The following CCN2 variants were observed in gnomAD, a reference collection of about 807,000 sequenced individuals.
CCN2 encodes cellular communication network factor 2, also known as CCN family member 2.
CCN2 carries 22 observed loss-of-function variants against 33.2 expected under a neutral mutation model. That is an observed-to-expected ratio of 0.66 (90% CI 0.47 to 0.95). The LOEUF is 0.95. Among genes scored for constraint, CCN2 ranks in the 40% least tolerant of loss-of-function variants. The pLI is 0.00. For missense variants in CCN2, 469 were observed against 498.8 expected (o/e 0.94, Z 0.57); for synonymous variants, 178 against 200.6 (o/e 0.89, Z 0.95).
Position 131,950,273 on chromosome 6 carries a change from A to G in CCN2, c.541+19T>C. ...TGGGAGAGAATCACGACCCTGACTT[A>G]GAGGAAGACTCGACTCACCCGCGAG... On this transcript the variant is annotated intron_variant, in intron 3 of 4. Coordinates refer to ENST00000367976, the MANE Select transcript of CCN2 (RefSeq NM_001901.4). This position sits in a 1 kb window ranked among gnomAD's most constrained non-coding sequence, Gnocchi z 7.1. 6.2e-7 allele frequency: 1 copy of G among 1,611,796 alleles called. No individual in the cohort carries two copies. The highest frequency in any genetic ancestry group is 8.5e-7 in the Non-Finnish European group (1 of 1,178,208).
In CCN2 at chr6:131,951,156, A is replaced by G. The variant is rs1783105040; in HGVS notation, c.17T>C (p.Met6Thr). Residue 6 changes from methionine to threonine, a missense_variant, in exon 1 of 5, where the codon ATG (methionine) becomes ACG (threonine). Physicochemically the swap from Met to Thr is moderately conservative, Grantham distance 81 (BLOSUM62 -1). Transcript: ENST00000367976. ...CACGAAGGCGACGCGGACGGGGCCC[A>G]TACTGGCGGCGGTCATGGTTGGCAC... Reference protein sequence around the residue: MTAASMGPVRVAFVVL... With the variant: MTAASTGPVRVAFVVL... 1.5e-6 allele frequency: 2 copies of G among 1,339,802 alleles called. No individual in the cohort carries two copies. The highest frequency in any genetic ancestry group is 1.5e-5 in the African/African-American group (1 of 66,050). The allele number at this position is 1,339,802 out of a possible 1,614,324, so 83.0% of individuals were successfully genotyped here.
rs1298271370 is a variant in CCN2 at position 131,951,223 on chromosome 6, G to A, written c.-51C>T. ...GGCGCGGTGGCGGCGAGCGGGGAGC[G>A]GCGGGGCCTGGAGCGCTGGCGGTGG... On this transcript the variant is annotated 5_prime_UTR_variant, in exon 1 of 5. Coordinates refer to ENST00000367976, the MANE Select transcript of CCN2 (RefSeq NM_001901.4). 3.2e-6 allele frequency: 4 copies of A among 1,259,242 alleles called. No homozygotes were observed. The highest frequency in any genetic ancestry group is 3.2e-5 in the East Asian group (1 of 30,838). The allele number at this position is 1,259,242 out of a possible 1,614,324, so 78.0% of individuals were successfully genotyped here.
chr6:131,949,633 A>C, intron 4 of CCN2, 73 bp from the exon 5 acceptor site: 1 of 1,366,362 alleles, frequency 7.3e-7, no homozygotes, highest in Non-Finnish European at 1.0e-6. Flanking sequence ...GCTTTCTTCA[A>C]CCCTCTGTGT....
Position 131,951,200 on chromosome 6 carries a change from CG to C in CCN2, c.-29del, listed in dbSNP as rs1190553509. The stretch of plus-strand genomic sequence containing the variant: ...TTGGCACTGCGGGCGGAGCGGAGGG[CG>C]CGGTGGCGGCGAGCGGGGAGCGGCG... On this transcript the variant is annotated 5_prime_UTR_variant, in exon 1 of 5. Transcript: ENST00000367976. 7.8e-7 allele frequency: 1 copy of C among 1,286,244 alleles called. No individual in the cohort carries two copies. Among genetic ancestry groups the C allele is most frequent in the African/African-American group, 1.5e-5 (1 of 64,884 alleles). The allele number at this position is 1,286,244 out of a possible 1,614,324, so 79.7% of individuals were successfully genotyped here. A position where few individuals can be genotyped will look rare whatever the true frequency, so the allele number is the denominator to read the frequency against.
rs1205088303 is a variant in CCN2 at position 131,951,011 on chromosome 6, G to A, written c.67-19C>T. ...CGGCCGGCTGCAGGGAGGACAGGGC[G>A]GTCAGCGGCGCTCGGTCGGCGCGCA... On this transcript the variant is annotated intron_variant, in intron 1 of 4. Transcript: ENST00000367976. 8.7e-6 allele frequency: 11 copies of A among 1,267,646 alleles called. No individual in the cohort carries two copies. Among genetic ancestry groups the A allele is most frequent in the Non-Finnish European group, 3.0e-6 (3 of 1,012,890 alleles). The allele number at this position is 1,267,646 out of a possible 1,614,324, so 78.5% of individuals were successfully genotyped here.
Position 131,950,883 on chromosome 6 carries a change from A to C in CCN2, c.176T>G (p.Val59Gly). 1 of 1,530,150 alleles carries C rather than the reference A, an allele frequency of 6.5e-7. No individual in the cohort carries two copies. The highest frequency in any genetic ancestry group is 1.2e-5 in the South Asian group (1 of 83,648). 94.8% of individuals were successfully genotyped at this position (1,530,150 alleles called of 1,614,324 possible). A position where few individuals can be genotyped will look rare whatever the true frequency, so the allele number is the denominator to read the frequency against. ...LVLDGCGCCR[V>G]CAKQLGELCT... ...CAGCTCGCCCAGCTGCTTGGCGCAG[A>C]CGCGGCAGCAGCCGCAGCCGTCCAG... The change falls in exon 2 of 5, where the codon GTC (valine) becomes GGC (glycine). Residue 59 changes from valine (V) to glycine (G), a missense_variant. Val to Gly is a moderately radical substitution (Grantham distance 109). Transcript: ENST00000367976. This position sits in a 1 kb window ranked among gnomAD's most constrained non-coding sequence, Gnocchi z 7.1.
At chr6:131,951,066 C>T in intron 1 of CCN2, 41 bp downstream of exon 1, 10 of 1,287,778 alleles carry the variant, frequency 7.8e-6, no homozygotes, top group Non-Finnish European at 9.8e-6. Flanking sequence ...CGAGTCCCTC[C>T]CTGGCAGCCG....
At chr6:131,951,066 C>A (rs1783102829) in intron 1 of CCN2, 41 bp downstream of exon 1, 3 of 1,287,670 alleles carry the variant, frequency 2.3e-6, no homozygotes, top group South Asian at 2.4e-5. Flanking sequence ...CGAGTCCCTC[C>A]CTGGCAGCCG....
rs754049250 is a variant in CCN2, at chr6:131,950,948, G to C, written c.111C>G (p.Asp37Glu). 5.7e-6 allele frequency: 8 copies of C among 1,395,542 alleles called. No homozygotes were observed. Among genetic ancestry groups the C allele is most frequent in the Non-Finnish European group, 7.4e-6 (8 of 1,086,072 alleles). 86.4% of individuals were successfully genotyped at this position (1,395,542 alleles called of 1,614,324 possible). ...QNCSGPCRCP[D>E]EPAPRCPAGV... is the part of the protein sequence containing the mutation. ...CCGCCGGGCAGCGCGGCGCCGGCTC[G>C]TCCGGGCACCGGCACGGCCCGCTGC... Residue 37 changes from aspartate to glutamate, a missense_variant, in exon 2 of 5, where the codon GAC becomes GAG. Physicochemically the swap from Asp to Glu is conservative, Grantham distance 45. Transcript: ENST00000367976. The surrounding 1 kb of genome is among the most constrained non-coding windows in gnomAD (Gnocchi z 7.1).
rs778697302 is a variant in CCN2 at position 131,949,074 on chromosome 6, A to G, written c.*190T>C. 3.0e-5 allele frequency: 18 copies of G among 604,788 alleles called. No individual in the cohort carries two copies. The highest frequency in any genetic ancestry group is 2.0e-4 in the Admixed American group (7 of 34,638). 37.5% of individuals were successfully genotyped at this position (604,788 alleles called of 1,614,324 possible). On this transcript the variant is annotated 3_prime_UTR_variant, in exon 5 of 5. Coordinates refer to ENST00000367976, the MANE Select transcript of CCN2 (RefSeq NM_001901.4). Reference sequence around the variant, plus strand: ...ACTGTCAAGTCTTAACATTCTTCAAACCAGTGTCTGGGGTTGATAGACTAT... The same window carrying G: ...ACTGTCAAGTCTTAACATTCTTCAAGCCAGTGTCTGGGGTTGATAGACTAT...
rs745364919 is a variant in CCN2, at chr6:131,950,745, T to C, written c.289+25A>G. ...GTGAGGGAGGAGGCGGCCGGACACC[T>C]AGCGGTGGGGGCTGCGGGTCTTACC... On this transcript the variant is annotated intron_variant, in intron 2 of 4. Transcript: ENST00000367976. The surrounding 1 kb of genome is among the most constrained non-coding windows in gnomAD (Gnocchi z 7.1). The C allele has an allele frequency of 5.9e-6, 9 of 1,521,574 alleles. No homozygotes were observed. Among genetic ancestry groups the C allele is most frequent in the Non-Finnish European group, 7.9e-6 (9 of 1,138,054 alleles). The allele number at this position is 1,521,574 out of a possible 1,614,324, so 94.3% of individuals were successfully genotyped here.
In CCN2 at chr6:131,949,301, G is replaced by A. The variant is rs371266547; in HGVS notation, c.1013C>T (p.Ser338Leu). ...TCCGTACATCTTCCTGTAGTACAGC[G>A]ATTCAAAGATGTCATTGTCTCCGGG... ...NCPGDNDIFE[S>L]LYYRKMYGDM... is the part of the protein sequence containing the mutation. The change falls in exon 5 of 5, where the codon TCG (serine) becomes TTG (leucine). Residue 338 changes from serine to leucine, a missense_variant. Physicochemically the swap from Ser to Leu is moderately radical, Grantham distance 145 (BLOSUM62 -2). Transcript: ENST00000367976. 1 of 1,614,104 alleles carries A rather than the reference G, an allele frequency of 6.2e-7. No individual in the cohort carries two copies. The highest frequency in any genetic ancestry group is 1.1e-5 in the South Asian group (1 of 91,068).
chr6:131,951,318 C>G lies in CCN2; in HGVS notation c.-146G>C, dbSNP rs916431661. ...GTCGGCCGGGGCGGCTGCCGTCGAG[C>G]TGGAGGGTGGAGTCGCACTGGCTGT... On this transcript the variant is annotated 5_prime_UTR_variant, in exon 1 of 5. Transcript: ENST00000367976. 1 of 613,304 alleles carries G rather than the reference C, an allele frequency of 1.6e-6. No homozygotes were observed. Among genetic ancestry groups the G allele is most frequent in the Non-Finnish European group, 2.3e-6 (1 of 429,520 alleles). The allele number at this position is 613,304 out of a possible 1,614,324, so 38.0% of individuals were successfully genotyped here.
In CCN2 at chr6:131,951,226, G is replaced by C. The variant is rs1018445497; in HGVS notation, c.-54C>G. 12 of 1,248,144 alleles carry C rather than the reference G, an allele frequency of 9.6e-6. No homozygotes were observed. The African/African-American group carries it at 1.7e-4, about 18-fold the overall frequency. The allele number at this position is 1,248,144 out of a possible 1,614,324, so 77.3% of individuals were successfully genotyped here. ...GCGGTGGCGGCGAGCGGGGAGCGGC[G>C]GGGCCTGGAGCGCTGGCGGTGGTCG... On this transcript the variant is annotated 5_prime_UTR_variant, in exon 1 of 5. Coordinates refer to ENST00000367976, the MANE Select transcript of CCN2 (RefSeq NM_001901.4).
Position 131,951,178 on chromosome 6 carries a change from G to T in CCN2, c.-6C>A. 7.5e-7 allele frequency: 1 copy of T among 1,324,886 alleles called. No homozygotes were observed. The highest frequency in any genetic ancestry group is 3.1e-5 in the Admixed American group (1 of 32,348). 82.1% of individuals were successfully genotyped at this position (1,324,886 alleles called of 1,614,324 possible). A position where few individuals can be genotyped will look rare whatever the true frequency, so the allele number is the denominator to read the frequency against. Reference sequence around the variant, plus strand: ...CCCATACTGGCGGCGGTCATGGTTGGCACTGCGGGCGGAGCGGAGGGCGCG... The same window carrying T: ...CCCATACTGGCGGCGGTCATGGTTGTCACTGCGGGCGGAGCGGAGGGCGCG... On this transcript the variant is annotated 5_prime_UTR_variant, in exon 1 of 5. Coordinates refer to ENST00000367976, the MANE Select transcript of CCN2 (RefSeq NM_001901.4).
rs1360535817 is a variant in CCN2, at chr6:131,949,087, G to T, written c.*177C>A. On this transcript the variant is annotated 3_prime_UTR_variant, in exon 5 of 5. Transcript: ENST00000367976. ...AACATTCTTCAAACCAGTGTCTGGG[G>T]TTGATAGACTATTTGTTTGACATGG... 1.1e-5 allele frequency: 7 copies of T among 624,614 alleles called. No individual in the cohort carries two copies. Among genetic ancestry groups the T allele is most frequent in the Admixed American group, 2.7e-5 (1 of 36,454 alleles). The allele number at this position is 624,614 out of a possible 1,614,324, so 38.7% of individuals were successfully genotyped here.
In CCN2 at chr6:131,950,936, C is replaced by G; in HGVS notation, c.123G>C (p.Pro41=). 7.0e-7 allele frequency: 1 copy of G among 1,434,256 alleles called. No individual in the cohort carries two copies. The highest frequency in any genetic ancestry group is 9.1e-7 in the Non-Finnish European group (1 of 1,104,848). 88.8% of individuals were successfully genotyped at this position (1,434,256 alleles called of 1,614,324 possible). A position where few individuals can be genotyped will look rare whatever the true frequency, so the allele number is the denominator to read the frequency against. Residue 41 remains proline (P), a synonymous_variant, in exon 2 of 5, where the codon CCG becomes CCC. Transcript: ENST00000367976. The surrounding 1 kb of genome is among the most constrained non-coding windows in gnomAD (Gnocchi z 7.1). The part of the protein sequence containing the change: ...GPCRCPDEPA[P]RCPAGVSLVL... Reference sequence around the variant, plus strand: ...CGAGGCTCACGCCCGCCGGGCAGCGCGGCGCCGGCTCGTCCGGGCACCGGC... The same window carrying G: ...CGAGGCTCACGCCCGCCGGGCAGCGGGGCGCCGGCTCGTCCGGGCACCGGC...
chr6:131,950,580 CAG>C lies in CCN2; in HGVS notation c.290-39_290-38del, dbSNP rs1452672956. ...GAAGGGAAGAGAGGGGTGGGGGATG[CAG>C]AGGTCAGGCATTGGGGCACTCTCAC... On this transcript the variant is annotated intron_variant, in intron 2 of 4. Transcript: ENST00000367976. The surrounding 1 kb of genome is among the most constrained non-coding windows in gnomAD (Gnocchi z 7.1). The C allele has an allele frequency of 6.2e-7, 1 of 1,602,518 alleles. No homozygotes were observed. The highest frequency in any genetic ancestry group is 1.3e-5 in the African/African-American group (1 of 74,806).
Position 131,950,592 on chromosome 6 carries a change from A to G in CCN2, c.290-49T>C. 6.3e-7 allele frequency: 1 copy of G among 1,594,402 alleles called. No homozygotes were observed. The highest frequency in any genetic ancestry group is 8.6e-7 in the Non-Finnish European group (1 of 1,169,142). ...GGGGTGGGGGATGCAGAGGTCAGGCATTGGGGCACTCTCACATCCAGAGCG... is the reference window on the plus strand; with the variant it reads ...GGGGTGGGGGATGCAGAGGTCAGGCGTTGGGGCACTCTCACATCCAGAGCG... On this transcript the variant is annotated intron_variant, in intron 2 of 4. Transcript: ENST00000367976. The surrounding 1 kb of genome is among the most constrained non-coding windows in gnomAD (Gnocchi z 7.1).
Sources: gnomAD v4.1 joint callset for allele counts on GRCh38, gnomAD v4.1.1 for gene constraint, Gnocchi (gnomAD v3.1) non-coding constraint, MANE v1.5 for transcripts, NCBI Gene and HGNC (gene_info 2026-07-23, HGNC 2026-07-21) for gene names.